The following AUTS2 variants were observed in gnomAD, a reference collection of about 807,000 sequenced individuals.
The protein encoded by AUTS2 is autism susceptibility gene 2 protein.
A neutral mutation model predicts 112.4 loss-of-function variants in AUTS2; 17 were observed. The ratio of observed to expected loss-of-function variants is 0.15; its 90% CI spans 0.10 to 0.23. The LOEUF (loss-of-function observed/expected upper bound fraction) is 0.23, where lower values mean the gene tolerates loss of function less well. Ranked by LOEUF, AUTS2 falls within the 10% of genes least tolerant of loss-of-function variation. The pLI, the probability that AUTS2 is intolerant of heterozygous loss-of-function variation, is 1.00. For synonymous variants in AUTS2, 751 were observed against 702.7 expected, an observed-to-expected ratio of 1.07 and a Z score of -1.09; for missense variants, 1,510 against 1,701.6, an observed-to-expected ratio of 0.89 and a Z score of 1.98.
At chr7:70,653,844 G>T (rs904543647) in intron 5 of AUTS2, among the ~76,000 whole-genome samples, 1 of 152,180 alleles carries the variant, frequency 6.6e-6, no homozygotes, top group Non-Finnish European at 1.5e-5. Flanking sequence ...AGTTGTAAGC[G>T]GGTTGAAGTG....
intron 2 of AUTS2, among the ~76,000 whole-genome samples, chr7:69,993,496 G>C (rs1341069321): frequency 6.6e-6 from 1 of 152,152 alleles, no homozygotes; most frequent in Non-Finnish European, 1.5e-5. Context: ...CATAATTCCA[G>C]CACTTTGGGA....
chr7:70,351,246 G>A (rs1383502062), intron 4 of AUTS2, among the ~76,000 whole-genome samples: 1 of 151,964 alleles, frequency 6.6e-6, no homozygotes, highest in African/African-American at 2.4e-5. Context: ...TAGAGATGGG[G>A]TTTCACCATG....
At chr7:69,979,929 T>C (rs1302749649) in intron 2 of AUTS2, among the ~76,000 whole-genome samples, 1 of 152,192 alleles carries the variant, frequency 6.6e-6, no homozygotes, top group Admixed American at 6.6e-5. Context: ...ATAGTAGTTA[T>C]TTACTGTATG....
At chr7:70,711,312 G>A (rs546027973) in intron 6 of AUTS2, among the ~76,000 whole-genome samples, 7 of 152,168 alleles carry the variant, frequency 4.6e-5, no homozygotes, top group East Asian at 1.9e-4. Flanking sequence ...CTGACTTTCC[G>A]AGCCCTCTCA....
chr7:70,680,592 CTGGTCATTT>C (rs1808159146), intron 5 of AUTS2, among the ~76,000 whole-genome samples: 1 of 152,180 alleles, frequency 6.6e-6, no homozygotes, highest in South Asian at 2.1e-4. Flanking sequence ...CCAAACTCAG[CTGGTCATTT>C]TGCAAATGCA....
chr7:69,735,725 G>A (rs373447574), intron 1 of AUTS2, among the ~76,000 whole-genome samples: 8 of 152,138 alleles, frequency 5.3e-5, no homozygotes, highest in Non-Finnish European at 1.2e-4. Flanking sequence ...GGAGGTGGCC[G>A]CACAGCCCCC....
At chr7:70,699,858 C>T (rs1012944486) in intron 6 of AUTS2, among the ~76,000 whole-genome samples, 1 of 152,082 alleles carries the variant, frequency 6.6e-6, no homozygotes, top group Non-Finnish European at 1.5e-5. Context: ...TACCACTTGG[C>T]GTTTCCTTGT....
At chr7:70,403,140 C>A (rs1794395411) in intron 4 of AUTS2, among the ~76,000 whole-genome samples, 1 of 152,118 alleles carries the variant, frequency 6.6e-6, no homozygotes, top group African/African-American at 2.4e-5. Flanking sequence ...TACAAGTGAA[C>A]TTTTATTAAG....
In AUTS2 at chr7:70,764,562, A is replaced by G. The variant is rs118142278; in HGVS notation, c.1215-190A>G. Among the ~76,000 whole-genome samples, 407 of 152,166 alleles carry G rather than the reference A, an allele frequency of 2.7e-3. 1 individual carries two copies. The highest frequency in any genetic ancestry group is 4.5e-3 in the Non-Finnish European group (304 of 68,020). On this transcript the variant is annotated intron_variant, in intron 7 of 18. Transcript: ENST00000342771. ...AGCAGTTTCGGTTTGCTCTGTCTGC[A>G]GTAGCGATGGGAAAGTTTGCAGGAG...
At chr7:70,335,794 C>T (rs1246625639) in intron 4 of AUTS2, among the ~76,000 whole-genome samples, 7 of 152,156 alleles carry the variant, frequency 4.6e-5, no homozygotes, top group Non-Finnish European at 8.8e-5. Flanking sequence ...TGCATACATC[C>T]ATTGTTGCAA....
chr7:69,661,317 A>G (rs1035685260), intron 1 of AUTS2, among the ~76,000 whole-genome samples: 2 of 152,208 alleles, frequency 1.3e-5, no homozygotes, highest in East Asian at 3.8e-4. Context: ...TAAATGTTAG[A>G]AGGGAAAAAT....
intron 4 of AUTS2, among the ~76,000 whole-genome samples, chr7:70,267,499 A>G (rs1443580699): frequency 1.3e-5 from 2 of 152,170 alleles, no homozygotes; most frequent in African/African-American, 4.8e-5. Context: ...TGACACGATA[A>G]TAGGACATGA....
chr7:70,515,065 T>C (rs906834388), intron 5 of AUTS2, among the ~76,000 whole-genome samples: 2 of 152,222 alleles, frequency 1.3e-5, no homozygotes, highest in African/African-American at 4.8e-5. Flanking sequence ...ATTATTTCCT[T>C]GATTCCCTTT....
intron 4 of AUTS2, among the ~76,000 whole-genome samples, chr7:70,327,579 G>A (rs1585022004): frequency 6.6e-6 from 1 of 152,128 alleles, no homozygotes; most frequent in Non-Finnish European, 1.5e-5. Context: ...CAGAATTTTT[G>A]CAACCTCTGA....
At chr7:69,610,367 TATG>T (rs1251608702) in intron 1 of AUTS2, among the ~76,000 whole-genome samples, 1 of 152,250 alleles carries the variant, frequency 6.6e-6, no homozygotes, top group African/African-American at 2.4e-5. Flanking sequence ...TCTGGACTGA[TATG>T]TTGACAAAAT....
intron 4 of AUTS2, among the ~76,000 whole-genome samples, chr7:70,355,704 T>G (rs1433208775): frequency 6.6e-6 from 1 of 152,110 alleles, no homozygotes; most frequent in African/African-American, 2.4e-5. Flanking sequence ...TTGAGAAGCT[T>G]TATGGCTCTA....
At chr7:69,974,970 A>C (rs1436202633) in intron 2 of AUTS2, among the ~76,000 whole-genome samples, 2 of 151,852 alleles carry the variant, frequency 1.3e-5, no homozygotes, top group Non-Finnish European at 2.9e-5. Context: ...CCTTTCTTTT[A>C]GCTATTTTTT....
In AUTS2 at chr7:70,793,174, G is replaced by C. The variant is rs1650690730; in HGVS notation, c.*2178G>C. The C allele has an allele frequency of 6.6e-6, 1 of 151,640 alleles. No individual in the cohort carries two copies. The highest frequency in any genetic ancestry group is 1.5e-5 in the Non-Finnish European group (1 of 67,938). The allele number at this position is 151,640 out of a possible 1,614,324, so 9.4% of individuals were successfully genotyped here. On this transcript the variant is annotated 3_prime_UTR_variant, in exon 19 of 19. Transcript: ENST00000342771. The stretch of plus-strand genomic sequence containing the variant: ...TCTGGATTTTGTAGACGTGTGTACA[G>C]TGTGGGCCACGTTAGCCAGTTGTTT...
At chr7:69,782,767 T>C (rs1300460629) in intron 1 of AUTS2, among the ~76,000 whole-genome samples, 1 of 152,182 alleles carries the variant, frequency 6.6e-6, no homozygotes, top group Non-Finnish European at 1.5e-5. Flanking sequence ...TTACCTTGTA[T>C]TTGAGCAGTT....
Sources: allele counts gnomAD v4.1 joint callset (sites outside exome capture counted in the v4.1 genomes callset), GRCh38; gene constraint gnomAD v4.1.1; transcripts MANE v1.5; gene names NCBI Gene and HGNC (gene_info 2026-07-23, HGNC 2026-07-21).